The following SORCS1 variants were observed in gnomAD, a reference collection of about 807,000 sequenced individuals.
SORCS1 encodes sortilin related VPS10 domain containing receptor 1.
In SORCS1, 60 loss-of-function variants were observed where a neutral mutation model predicts 146.1. The observed-to-expected ratio is 0.41, with a 90% CI of 0.33 to 0.51. The LOEUF (loss-of-function observed/expected upper bound fraction) is 0.51, where lower values mean the gene tolerates loss of function less well. Ranked by LOEUF, SORCS1 falls within the 20% of genes least tolerant of loss-of-function variation. The probability of loss-of-function intolerance (pLI) is 0.21; values close to 1 mark genes in which losing one functional copy is unlikely to be tolerated. For synonymous variants in SORCS1, 637 were observed against 584.0 expected (o/e 1.09, Z -1.31); for missense variants, 1,352 against 1,487.6 (o/e 0.91, Z 1.50).
intron 2 of SORCS1, among the ~76,000 whole-genome samples, chr10:106,910,330 T>G (rs76490761): frequency 0.024 from 3,552 of 150,142 alleles, 130 homozygotes; most frequent in African/African-American, 0.081. Context: ...AGTATATATA[T>G]ATAGAGAGTG....
rs189327627 is a variant in SORCS1, at chr10:107,143,168, G to T, written c.558+20801C>A. On this transcript the variant is annotated intron_variant, in intron 1 of 25. Coordinates refer to ENST00000263054, the MANE Select transcript of SORCS1 (RefSeq NM_052918.5). ...ACAATGCCCTGAAAATGAGTTCAAT[G>T]GATGAATTACTCCTACAAGTAGCTT... Among the ~76,000 whole-genome samples the T allele has an allele frequency of 7.9e-5, 12 of 152,200 alleles. No homozygotes were observed. In the East Asian group the frequency reaches 2.3e-3, roughly 29 times the overall value.
At chr10:107,160,511 A>G (rs1969619852) in intron 1 of SORCS1, among the ~76,000 whole-genome samples, 1 of 152,218 alleles carries the variant, frequency 6.6e-6, no homozygotes, top group Non-Finnish European at 1.5e-5. Flanking sequence ...TTGGATGGTA[A>G]ATGTCAAATC....
At chr10:106,817,475 T>C (rs1053150798) in intron 3 of SORCS1, among the ~76,000 whole-genome samples, 3 of 152,162 alleles carry the variant, frequency 2.0e-5, no homozygotes, top group African/African-American at 7.2e-5. Context: ...TTTTACTCCA[T>C]TTTTCTCATT....
intron 1 of SORCS1, among the ~76,000 whole-genome samples, chr10:107,104,579 G>GA (rs1016426711): frequency 1.2e-4 from 18 of 150,680 alleles, no homozygotes; most frequent in South Asian, 8.4e-4. Context: ...TCCCAGAAAA[G>GA]AAAAAAAAAG....
chr10:107,105,597 C>T (rs1434318627), intron 1 of SORCS1, among the ~76,000 whole-genome samples: 2 of 152,080 alleles, frequency 1.3e-5, no homozygotes, highest in East Asian at 3.9e-4. Flanking sequence ...GTCTGATGTT[C>T]GAGGGCAGGA....
At chr10:106,729,394 C>T (rs1856433384) in intron 6 of SORCS1, among the ~76,000 whole-genome samples, 1 of 152,030 alleles carries the variant, frequency 6.6e-6, no homozygotes, top group African/African-American at 2.4e-5. Flanking sequence ...TCAACTGACT[C>T]TCCTCCTGCT....
intron 3 of SORCS1, among the ~76,000 whole-genome samples, chr10:106,787,097 C>G (rs1172826473): frequency 1.3e-5 from 2 of 152,108 alleles, no homozygotes; most frequent in Non-Finnish European, 1.5e-5. Flanking sequence ...TAAAGTGTGC[C>G]TAAGCAACTC....
intron 1 of SORCS1, among the ~76,000 whole-genome samples, chr10:107,029,394 C>G (rs1042308281): frequency 3.9e-5 from 6 of 152,160 alleles, no homozygotes; most frequent in African/African-American, 1.4e-4. Context: ...TATGTGGGAG[C>G]TCCCATCCTC....
Position 106,637,100 on chromosome 10 carries a change from T to C in SORCS1, c.2476-7712A>G, listed in dbSNP as rs117413099. On this transcript the variant is annotated intron_variant, in intron 18 of 25. Coordinates refer to ENST00000263054, the MANE Select transcript of SORCS1 (RefSeq NM_052918.5). ...TGTGAGTGTTTGACAAAGTCTGAGA[T>C]GACTAATCAGGAAACAACTGTTGAA... Among the ~76,000 whole-genome samples, 261 of 152,340 alleles carry C rather than the reference T, an allele frequency of 1.7e-3. 2 individuals carry two copies. The highest frequency in any genetic ancestry group is 3.9e-3 in the South Asian group (19 of 4,832).
At chr10:106,867,655 T>C (rs1001086329) in intron 2 of SORCS1, among the ~76,000 whole-genome samples, 4 of 152,100 alleles carry the variant, frequency 2.6e-5, no homozygotes, top group Non-Finnish European at 5.9e-5. Flanking sequence ...ACTTCCTAAG[T>C]AAAGGAGAAA....
chr10:106,816,536 A>G (rs1311180706), intron 3 of SORCS1, among the ~76,000 whole-genome samples: 1 of 152,206 alleles, frequency 6.6e-6, no homozygotes, highest in East Asian at 1.9e-4. Context: ...AATCATCATC[A>G]GGAAGTAATT....
At chr10:107,173,995 G>T in the SORCS1 span, among the ~76,000 whole-genome samples, 1 of 152,140 alleles carries the variant, frequency 6.6e-6, no homozygotes, top group Non-Finnish European at 1.5e-5. Flanking sequence ...CTTCCAGCGT[G>T]TTCTAGAATC....
intron 19 of SORCS1, among the ~76,000 whole-genome samples, chr10:106,625,982 C>T (rs971544880): frequency 1.3e-5 from 2 of 152,212 alleles, no homozygotes; most frequent in Admixed American, 1.3e-4. Flanking sequence ...GAATTACCAA[C>T]TGTCAGGCTA....
rs796111648 is a variant in SORCS1, at chr10:107,065,501, TC to T, written c.558+98467del. Among the ~76,000 whole-genome samples the T allele has an allele frequency of 8.9e-3, 796 of 89,658 alleles. 31 individuals are homozygous for T. The highest frequency in any genetic ancestry group is 0.036 in the African/African-American group (708 of 19,594). The allele number at this position is 89,658 out of a possible 152,430, so 58.8% of individuals were successfully genotyped here. On this transcript the variant is annotated intron_variant, in intron 1 of 25. Coordinates refer to ENST00000263054, the MANE Select transcript of SORCS1 (RefSeq NM_052918.5). ...TCCTCTCCTCTCCTCTCCTCTCCTC[TC>T]CTCTCCTCTCTTTCTTTCTTTCTTT...
intron 1 of SORCS1, among the ~76,000 whole-genome samples, chr10:107,132,390 T>C (rs756277924): frequency 8.5e-5 from 13 of 152,340 alleles, no homozygotes; most frequent in Middle Eastern, 6.8e-3. Context: ...CATATGTTAA[T>C]TTACACAACA....
At chr10:106,626,242 G>C (rs151298222) in intron 19 of SORCS1, among the ~76,000 whole-genome samples, 2 of 152,196 alleles carry the variant, frequency 1.3e-5, no homozygotes, top group Non-Finnish European at 2.9e-5. Flanking sequence ...GGTGAGCTAA[G>C]AGTTGCTGCT....
At chr10:106,688,810 T>G (rs930549237) in intron 9 of SORCS1, among the ~76,000 whole-genome samples, 1 of 152,206 alleles carries the variant, frequency 6.6e-6, no homozygotes, top group African/African-American at 2.4e-5. Flanking sequence ...GTGACTTGCC[T>G]AAGGTCACAC....
chr10:106,856,531 A>G (rs991198020), intron 2 of SORCS1, among the ~76,000 whole-genome samples: 2 of 152,116 alleles, frequency 1.3e-5, no homozygotes, highest in African/African-American at 2.4e-5. Flanking sequence ...AGGCTCTGTT[A>G]ACTAGTTTCT....
At chr10:106,588,088 T>C (rs1191329344) in intron 24 of SORCS1, among the ~76,000 whole-genome samples, 1 of 152,238 alleles carries the variant, frequency 6.6e-6, no homozygotes, top group Non-Finnish European at 1.5e-5. Flanking sequence ...ATATTATTTG[T>C]TTAACTCTCA....
Sources: allele counts gnomAD v4.1 joint callset (sites outside exome capture counted in the v4.1 genomes callset), GRCh38; gene constraint gnomAD v4.1.1; transcripts MANE v1.5; gene names NCBI Gene and HGNC (gene_info 2026-07-23, HGNC 2026-07-21).